NPTN: variants seen among roughly 807,000 people sequenced by gnomAD.
NPTN encodes SDR-1.
In NPTN, 5 loss-of-function variants were observed where a neutral mutation model predicts 42.7. The observed-to-expected ratio is 0.12, with a 90% CI of 0.06 to 0.25. The LOEUF is 0.25. Ranked by LOEUF, NPTN falls within the 10% of genes least tolerant of loss-of-function variation. The probability of loss-of-function intolerance (pLI) is 1.00; values close to 1 mark genes in which losing one functional copy is unlikely to be tolerated. For synonymous variants in NPTN, 180 were observed against 201.9 expected (o/e 0.89, Z 0.92); for missense variants, 307 against 525.4 (o/e 0.58, Z 4.06).
rs1271943287 is a variant in NPTN, at chr15:73,616,494, C to G, written c.91+16631G>C. Among the ~76,000 whole-genome samples, 3 of 152,178 alleles carry G rather than the reference C, an allele frequency of 2.0e-5. No individual in the cohort carries two copies. In the East Asian group the frequency reaches 5.8e-4, roughly 29 times the overall value. ...GAGGCTATACTTTAGTTGCAGAACC[C>G]TTAGCTAGAATTCAAATATTCTGAC... On this transcript the variant is annotated intron_variant, in intron 1 of 8. Transcript: ENST00000345330.
At chr15:73,590,360 G>A (rs907534720) in intron 3 of NPTN, among the ~76,000 whole-genome samples, 7 of 152,110 alleles carry the variant, frequency 4.6e-5, no homozygotes, top group Non-Finnish European at 8.8e-5. Flanking sequence ...ATTTTATAAA[G>A]TCAGGCTGAA....
At chr15:73,620,017 T>C (rs1351059464) in intron 1 of NPTN, among the ~76,000 whole-genome samples, 1 of 152,184 alleles carries the variant, frequency 6.6e-6, no homozygotes, top group Non-Finnish European at 1.5e-5. Flanking sequence ...ATTAAGAGAT[T>C]TGCCAAAAAT....
intron 4 of NPTN, among the ~76,000 whole-genome samples, chr15:73,585,557 T>A (rs1335380282): frequency 1.3e-5 from 2 of 152,240 alleles, no homozygotes; most frequent in African/African-American, 4.8e-5. Context: ...CATACTCAAC[T>A]ATCCATAACT....
rs368167071 is a variant in NPTN, at chr15:73,592,170, T to C, written c.440-33A>G. On this transcript the variant is annotated intron_variant, in intron 2 of 8. Transcript: ENST00000345330. ...AAGAGTGCACAATGATAGGGGGCAATAGCCTTCCATCCTCTGTAGCCCTGG... is the reference window on the plus strand; with the variant it reads ...AAGAGTGCACAATGATAGGGGGCAACAGCCTTCCATCCTCTGTAGCCCTGG... 71 of 1,591,136 alleles carry C rather than the reference T, an allele frequency of 4.5e-5. 1 individual carries two copies. The African/African-American group carries it at 8.9e-4, about 20-fold the overall frequency.
At chr15:73,629,779 C>G (rs1898634467) in intron 1 of NPTN, among the ~76,000 whole-genome samples, 1 of 151,306 alleles carries the variant, frequency 6.6e-6, no homozygotes, top group African/African-American at 2.4e-5. Flanking sequence ...TTCTCTTATT[C>G]ACAACAATAA....
chr15:73,566,174 C>T (rs1595893269), intron 6 of NPTN, among the ~76,000 whole-genome samples: 2 of 152,276 alleles, frequency 1.3e-5, no homozygotes, highest in Admixed American at 6.5e-5. Flanking sequence ...GTTAACAGAC[C>T]AGACACCGAA....
At chr15:73,617,482 A>G (rs1331403625) in intron 1 of NPTN, among the ~76,000 whole-genome samples, 2 of 152,192 alleles carry the variant, frequency 1.3e-5, no homozygotes, top group African/African-American at 4.8e-5. Flanking sequence ...GGTTAGTTAC[A>G]GCTATTCTTT....
chr15:73,610,434 C>T (rs1897521637), intron 1 of NPTN, among the ~76,000 whole-genome samples: 1 of 152,158 alleles, frequency 6.6e-6, no homozygotes, highest in Admixed American at 6.5e-5. Flanking sequence ...TTTTAAGCTT[C>T]TGCATATGAG....
chr15:73,564,309 C>G (rs1894854047), intron 6 of NPTN, among the ~76,000 whole-genome samples: 1 of 152,076 alleles, frequency 6.6e-6, no homozygotes, highest in Non-Finnish European at 1.5e-5. Context: ...CACAAGGGGG[C>G]TTGGTGCACA....
intron 6 of NPTN, chr15:73,568,696 C>CTA (rs1308438274): frequency 1.0e-6 from 1 of 985,400 alleles, no homozygotes; most frequent in Admixed American, 6.1e-5. Flanking sequence ...TTGCAGGAAA[C>CTA]TAGAGATTCA....
In NPTN at chr15:73,612,348, G is replaced by A. The variant is rs936309304; in HGVS notation, c.92-14979C>T. Among the ~76,000 whole-genome samples the A allele has an allele frequency of 4.6e-5, 7 of 151,016 alleles. No homozygotes were observed. In the South Asian group the frequency reaches 1.5e-3, roughly 32 times the overall value. On this transcript the variant is annotated intron_variant, in intron 1 of 8. Transcript: ENST00000345330. The stretch of plus-strand genomic sequence containing the variant: ...GGTGGAGGAACACCTGGACCCAGGA[G>A]GTCGAAGCTGCAATAAACCGTGATC...
intron 1 of NPTN, among the ~76,000 whole-genome samples, chr15:73,624,473 G>A (rs963822064): frequency 3.3e-5 from 5 of 152,034 alleles, no homozygotes; most frequent in Admixed American, 1.3e-4. Flanking sequence ...TGCTAAACTC[G>A]TATAATCAAA....
chr15:73,577,751 A>C (rs998416008), intron 4 of NPTN, among the ~76,000 whole-genome samples: 1 of 152,114 alleles, frequency 6.6e-6, no homozygotes, highest in African/African-American at 2.4e-5. Context: ...GGCCCCACCC[A>C]GATCAATAAA....
chr15:73,628,739 T>C (rs1418928755), intron 1 of NPTN, among the ~76,000 whole-genome samples: 1 of 152,058 alleles, frequency 6.6e-6, no homozygotes, highest in African/African-American at 2.4e-5. Flanking sequence ...AAGGCCCAAT[T>C]AAATCTTTTT....
At chr15:73,606,339 T>C (rs1196425032) in intron 1 of NPTN, among the ~76,000 whole-genome samples, 1 of 152,140 alleles carries the variant, frequency 6.6e-6, no homozygotes, top group Non-Finnish European at 1.5e-5. Context: ...CCACAAACTA[T>C]TGTCAAGCTA....
At chr15:73,573,510 C>G in intron 5 of NPTN, 152 bp downstream of exon 5, 1 of 830,270 alleles carries the variant, frequency 1.2e-6, no homozygotes, top group Non-Finnish European at 1.8e-6. Context: ...TCAATGACCT[C>G]TTGATTCATG....
intron 1 of NPTN, among the ~76,000 whole-genome samples, chr15:73,600,833 C>A (rs1320397405): frequency 6.6e-6 from 1 of 152,090 alleles, no homozygotes; most frequent in Non-Finnish European, 1.5e-5. Context: ...TCAAAGAGTT[C>A]TTAAAGCAAC....
chr15:73,576,998 T>C (rs905595513), intron 4 of NPTN, among the ~76,000 whole-genome samples: 1 of 152,184 alleles, frequency 6.6e-6, no homozygotes, highest in Admixed American at 6.5e-5. Flanking sequence ...TTCTTGAGGT[T>C]TTTTTCTGCA....
intron 6 of NPTN, chr15:73,566,918 G>C: frequency 1.6e-6 from 1 of 611,000 alleles, no homozygotes; most frequent in Non-Finnish European, 2.0e-6. Flanking sequence ...AGACCATACA[G>C]GGGACTAAAG....
Sources: allele counts gnomAD v4.1 joint callset (sites outside exome capture counted in the v4.1 genomes callset), GRCh38; gene constraint gnomAD v4.1.1; transcripts MANE v1.5; gene names NCBI Gene and HGNC (gene_info 2026-07-23, HGNC 2026-07-21).